The following UPF2 variants were observed in gnomAD, a reference collection of about 807,000 sequenced individuals.
The protein encoded by UPF2 is UPF2 regulator of nonsense mediated mRNA decay.
Under a neutral mutation model 141.4 loss-of-function variants are expected in UPF2, and 17 were observed. The ratio of observed to expected loss-of-function variants is 0.12; its 90% CI spans 0.08 to 0.18. UPF2 has a LOEUF of 0.18. Among genes scored for constraint, UPF2 ranks in the 10% least tolerant of loss-of-function variants. The pLI is 1.00. For missense variants in UPF2, 1,152 were observed against 1,515.9 expected (o/e 0.76, Z 3.99); for synonymous variants, 540 against 498.0 (o/e 1.08, Z -1.12).
chr10:11,946,970 G>A (rs1292070949), intron 16 of UPF2, among the ~76,000 whole-genome samples: 3 of 152,238 alleles, frequency 2.0e-5, no homozygotes, highest in Admixed American at 6.5e-5. Context: ...GGAAGGCCAA[G>A]GTGGGGGGAT....
intron 16 of UPF2, among the ~76,000 whole-genome samples, chr10:11,943,404 TAGA>T (rs1378016534): frequency 6.6e-6 from 1 of 152,212 alleles, no homozygotes; most frequent in Non-Finnish European, 1.5e-5. Context: ...AGATCTATTG[TAGA>T]AGCTCTTTCT....
chr10:11,987,601 A>AT (rs1364633895), intron 8 of UPF2, among the ~76,000 whole-genome samples: 1 of 151,598 alleles, frequency 6.6e-6, no homozygotes, highest in Non-Finnish European at 1.5e-5. Flanking sequence ...CTACTAAAAA[A>AT]ATATATAAAA....
At chr10:11,991,728 T>C (rs1300630087) in intron 8 of UPF2, among the ~76,000 whole-genome samples, 1 of 152,214 alleles carries the variant, frequency 6.6e-6, no homozygotes, top group African/African-American at 2.4e-5. Flanking sequence ...TTAAAAGGTA[T>C]GAGCTGTGGA....
chr10:12,010,395 A>G (rs1034037432), intron 4 of UPF2, among the ~76,000 whole-genome samples: 1 of 152,268 alleles, frequency 6.6e-6, no homozygotes, highest in African/African-American at 2.4e-5. Context: ...ACAAGCTACA[A>G]GATTGAACAT....
intron 2 of UPF2, among the ~76,000 whole-genome samples, chr10:12,030,401 G>C (rs1231846065): frequency 6.6e-6 from 1 of 151,954 alleles, no homozygotes; most frequent in African/African-American, 2.4e-5. Flanking sequence ...AGTCGTGGTG[G>C]TGGGCACCTG....
intron 16 of UPF2, among the ~76,000 whole-genome samples, chr10:11,947,608 C>T (rs186688668): frequency 6.6e-6 from 1 of 151,738 alleles, no homozygotes; most frequent in East Asian, 2.0e-4. Context: ...ATAGCAAGAT[C>T]CCCATCTCTA....
At chr10:12,005,108 ATT>A (rs5783240) in intron 4 of UPF2, among the ~76,000 whole-genome samples, 3,124 of 145,272 alleles carry the variant, frequency 0.022, 75 homozygotes, top group African/African-American at 0.065. Flanking sequence ...CCCCATGAGT[ATT>A]TTTTTTTTTT....
At chr10:12,003,563 A>C (rs999336407) in intron 5 of UPF2, among the ~76,000 whole-genome samples, 1 of 152,300 alleles carries the variant, frequency 6.6e-6, no homozygotes, top group South Asian at 2.1e-4. Context: ...TAACAATTTT[A>C]AATTATATTC....
chr10:11,978,559 C>T (rs1367742531), intron 9 of UPF2, among the ~76,000 whole-genome samples: 3 of 152,180 alleles, frequency 2.0e-5, no homozygotes, highest in Admixed American at 6.5e-5. Flanking sequence ...CTTTAAAAAA[C>T]TCACCATGGT....
chr10:11,982,196 A>C (rs1306357488), intron 8 of UPF2, among the ~76,000 whole-genome samples: 1 of 152,192 alleles, frequency 6.6e-6, no homozygotes, highest in Non-Finnish European at 1.5e-5. Context: ...CTCATGATCA[A>C]TTATCAAATT....
At chr10:11,988,336 G>C (rs998382428) in intron 8 of UPF2, among the ~76,000 whole-genome samples, 58 of 152,192 alleles carry the variant, frequency 3.8e-4, no homozygotes, top group African/African-American at 1.3e-3. Context: ...TTTTCTTAGA[G>C]ACAGAGTCTC....
chr10:11,985,621 CAA>C (rs1254604523), intron 8 of UPF2, among the ~76,000 whole-genome samples: 3 of 82,776 alleles, frequency 3.6e-5, no homozygotes, highest in Admixed American at 1.3e-4. Context: ...AGTCCGTCTC[CAA>C]AAAAAAAAAA....
intron 8 of UPF2, among the ~76,000 whole-genome samples, chr10:11,996,790 A>C (rs1306085088): frequency 6.6e-6 from 1 of 152,218 alleles, no homozygotes; most frequent in Non-Finnish European, 1.5e-5. Context: ...TTAAAAAACT[A>C]ATATGAAAGA....
At chr10:12,035,696 G>C (rs1834612931) in intron 1 of UPF2, 1 of 309,776 alleles carries the variant, frequency 3.2e-6, no homozygotes, top group South Asian at 8.5e-5. Flanking sequence ...CCAGACAAAA[G>C]TAGAGAGCAT....
chr10:12,001,911 G>C (rs1226668910), intron 5 of UPF2, 86 bp from the exon 6 acceptor site: 1 of 1,288,866 alleles, frequency 7.8e-7, no homozygotes, highest in Non-Finnish European at 1.0e-6. Context: ...CACAAAATCT[G>C]CAGGTTCTTT....
intron 6 of UPF2, among the ~76,000 whole-genome samples, chr10:12,001,001 T>C (rs1833941974): frequency 1.3e-5 from 2 of 152,202 alleles, no homozygotes; most frequent in Admixed American, 6.5e-5. Context: ...CAAATACATT[T>C]ATGTTGTTTG....
intron 9 of UPF2, among the ~76,000 whole-genome samples, chr10:11,971,137 A>G (rs1302351258): frequency 1.3e-5 from 2 of 152,228 alleles, no homozygotes; most frequent in African/African-American, 4.8e-5. Flanking sequence ...AGTGTTATAA[A>G]TCAATGATCT....
chr10:12,020,107 T>C, intron 3 of UPF2, among the ~76,000 whole-genome samples: 1 of 152,268 alleles, frequency 6.6e-6, no homozygotes, highest in South Asian at 2.1e-4. Context: ...TTATACATCA[T>C]AAATAAAATT....
intron 8 of UPF2, among the ~76,000 whole-genome samples, chr10:11,981,682 T>C (rs1000630078): frequency 2.2e-4 from 3 of 13,592 alleles, no homozygotes; most frequent in African/African-American, 3.2e-4. Context: ...TCTTGTAAGG[T>C]ACTCTTTTTT....
Sources: gnomAD v4.1 joint callset for allele counts (sites outside exome capture counted in the v4.1 genomes callset) on GRCh38, gnomAD v4.1.1 for gene constraint, MANE v1.5 for transcripts, NCBI Gene and HGNC (gene_info 2026-07-23, HGNC 2026-07-21) for gene names.